LRCH1: variants seen among roughly 807,000 people sequenced by gnomAD.
LRCH1 encodes leucine-rich repeat and calponin homology domain-containing protein 1.
Under a neutral mutation model 94.9 loss-of-function variants are expected in LRCH1, and 23 were observed. The ratio of observed to expected loss-of-function variants is 0.24; its 90% CI spans 0.17 to 0.34. The LOEUF (loss-of-function observed/expected upper bound fraction) is 0.34. Among genes scored for constraint, LRCH1 ranks in the 10% least tolerant of loss-of-function variants. LRCH1 has a pLI of 1.00. For missense variants in LRCH1, 790 were observed against 945.9 expected (o/e 0.84, Z 2.16); for synonymous variants, 364 against 354.9 (o/e 1.03, Z -0.29).
intron 3 of LRCH1, among the ~76,000 whole-genome samples, chr13:46,677,384 C>T (rs1007824196): frequency 4.6e-5 from 7 of 151,992 alleles, no homozygotes; most frequent in South Asian, 2.1e-4. Context: ...GAGCCAAGAT[C>T]GCGCCATCGC....
chr13:46,687,574 T>A (rs1352305653), intron 5 of LRCH1, among the ~76,000 whole-genome samples: 2 of 152,344 alleles, frequency 1.3e-5, no homozygotes, highest in East Asian at 3.9e-4. Context: ...ATATTTTTTA[T>A]ACTATATATA....
intron 13 of LRCH1, among the ~76,000 whole-genome samples, chr13:46,709,516 G>A (rs1871945995): frequency 6.6e-6 from 1 of 152,164 alleles, no homozygotes. Flanking sequence ...AATGTACCAG[G>A]TCCAACCTTC....
chr13:46,670,516 T>A (rs1426194038), intron 3 of LRCH1, among the ~76,000 whole-genome samples: 11 of 152,224 alleles, frequency 7.2e-5, no homozygotes, highest in Non-Finnish European at 1.5e-5. Context: ...GAGAGGCAGA[T>A]CTGGTCTGAT....
intron 11 of LRCH1, among the ~76,000 whole-genome samples, chr13:46,703,140 G>A (rs1261043787): frequency 6.6e-6 from 1 of 152,216 alleles, no homozygotes; most frequent in African/African-American, 2.4e-5. Context: ...AGGAGAGCCT[G>A]TATGTGTGTT....
chr13:46,745,369 G>A (rs553279548), downstream of LRCH1, among the ~76,000 whole-genome samples: 1 of 151,972 alleles, frequency 6.6e-6, no homozygotes, highest in Non-Finnish European at 1.5e-5. Context: ...TGGTGGAACG[G>A]GTACAGGATT....
intron 1 of LRCH1, among the ~76,000 whole-genome samples, chr13:46,564,488 A>G (rs1594246642): frequency 1.3e-5 from 2 of 152,248 alleles, no homozygotes; most frequent in South Asian, 4.1e-4. Flanking sequence ...CCCTCTGGCC[A>G]TTCCGGCCAG....
At chr13:46,750,506 C>T (rs2138264423) in intron 18 of LRCH1, 1 of 1,415,400 alleles carries the variant, frequency 7.1e-7, no homozygotes, top group East Asian at 2.5e-5. Flanking sequence ...GTACAATCAT[C>T]TAAAAATTGA....
intron 4 of LRCH1, among the ~76,000 whole-genome samples, chr13:46,685,325 A>G (rs1373707485): frequency 2.0e-5 from 3 of 152,228 alleles, no homozygotes; most frequent in Non-Finnish European, 2.9e-5. Context: ...GAGTGGAGCT[A>G]CAGAAGACTT....
At chr13:46,578,240 G>A (rs952254313) in intron 1 of LRCH1, among the ~76,000 whole-genome samples, 2 of 152,212 alleles carry the variant, frequency 1.3e-5, no homozygotes, top group African/African-American at 2.4e-5. Flanking sequence ...GAAAGGATGC[G>A]TGCTTTGTGG....
At chr13:46,602,974 G>GCATGCATGCATA (rs1555272027) in intron 1 of LRCH1, among the ~76,000 whole-genome samples, 2 of 27,602 alleles carry the variant, frequency 7.2e-5, no homozygotes, top group East Asian at 2.1e-3. Flanking sequence ...ATACATACAT[G>GCATGCATGCATA]CATGCATACA....
chr13:46,733,986 AG>A lies in LRCH1; in HGVS notation c.2075del (p.Gly692GlufsTer48). 2 of 1,592,380 alleles carry A rather than the reference AG, an allele frequency of 1.3e-6. No homozygotes were observed. On this transcript the variant is annotated frameshift_variant, in exon 19 of 20. Coordinates refer to ENST00000389797, the MANE Select transcript of LRCH1 (RefSeq NM_001164211.2). LOFTEE classifies it high-confidence loss of function. ...ACTTTTTGGAAGCATGCCGAAAATTAGGAGTACCAGAGGTAACATCAAACTT... is the reference window on the plus strand; with the variant it reads ...ACTTTTTGGAAGCATGCCGAAAATTAGAGTACCAGAGGTAACATCAAACTT... ...ENFLEACRKL[G>X]VPEADLCSPC...
At position 46,701,264 on chromosome 13, in the gene LRCH1, G is replaced by A. The variant is rs144152442; in HGVS notation, c.1400+57G>A. On this transcript the variant is annotated intron_variant, in intron 11 of 19. Coordinates refer to ENST00000389797, the MANE Select transcript of LRCH1 (RefSeq NM_001164211.2). ...TGTAAATAATGCATACTAATGTATG[G>A]AGTACATTGTCTAAATTCCTAAAAT... 1,031 of 1,218,678 alleles carry A rather than the reference G, an allele frequency of 8.5e-4. 6 individuals are homozygous for A. In the African/African-American group the frequency reaches 0.011, roughly 13 times the overall value. 75.5% of individuals were successfully genotyped at this position (1,218,678 alleles called of 1,614,324 possible).
intron 13 of LRCH1, among the ~76,000 whole-genome samples, chr13:46,709,431 G>A (rs1463976727): frequency 6.6e-6 from 1 of 152,188 alleles, no homozygotes; most frequent in African/African-American, 2.4e-5. Context: ...CTCCCTGCCA[G>A]CTACTGCACC....
intron 2 of LRCH1, among the ~76,000 whole-genome samples, chr13:46,652,503 A>C (rs1266882643): frequency 1.3e-5 from 2 of 151,830 alleles, no homozygotes; most frequent in Non-Finnish European, 2.9e-5. Context: ...CTGGAGGCTC[A>C]TATATCTAAT....
chr13:46,594,938 TAAAG>T (rs781038630), intron 1 of LRCH1, among the ~76,000 whole-genome samples: 17 of 152,166 alleles, frequency 1.1e-4, no homozygotes, highest in Non-Finnish European at 2.2e-4. Context: ...ACAGGCTATA[TAAAG>T]AAAGTCTCAT....
At position 46,729,040 on chromosome 13, in the gene LRCH1, G is replaced by A. The variant is rs1287404640; in HGVS notation, c.2007+56G>A. 7.8e-6 allele frequency: 12 copies of A among 1,535,208 alleles called. No homozygotes were observed. The Admixed American group carries it at 2.2e-4, about 28-fold the overall frequency. On this transcript the variant is annotated intron_variant, in intron 18 of 19. Coordinates refer to ENST00000389797, the MANE Select transcript of LRCH1 (RefSeq NM_001164211.2). ...ATAAAACAGACCTTTAGGGGGCACT[G>A]TTGTTGGTTTAGGATGTCAATGGTG...
chr13:46,695,981 C>G (rs1196583124), intron 9 of LRCH1, among the ~76,000 whole-genome samples: 2 of 152,172 alleles, frequency 1.3e-5, no homozygotes, highest in Non-Finnish European at 2.9e-5. Flanking sequence ...GGATAAAACA[C>G]AGTCTTAACT....
Position 46,695,151 on chromosome 13 carries a change from A to G in LRCH1, c.1245+134A>G, listed in dbSNP as rs1412617239. On this transcript the variant is annotated intron_variant, in intron 9 of 19. Coordinates refer to ENST00000389797, the MANE Select transcript of LRCH1 (RefSeq NM_001164211.2). ...GCACCCTCCCTGAAGCGTTCCAAAC[A>G]TCTCAGCGCTCAGCGTGTCTATTTG... 4 of 1,040,292 alleles carry G rather than the reference A, an allele frequency of 3.8e-6. No homozygotes were observed. The Admixed American group carries it at 6.9e-5, about 18-fold the overall frequency. The allele number at this position is 1,040,292 out of a possible 1,614,324, so 64.4% of individuals were successfully genotyped here. A position where few individuals can be genotyped will look rare whatever the true frequency, so the allele number is the denominator to read the frequency against.
chr13:46,649,844 A>AT (rs2051269802), intron 1 of LRCH1, among the ~76,000 whole-genome samples: 1 of 151,850 alleles, frequency 6.6e-6, no homozygotes, highest in South Asian at 2.1e-4. Context: ...AAAAAAAAAA[A>AT]TTGAATTAAT....
Sources: allele counts gnomAD v4.1 joint callset (sites outside exome capture counted in the v4.1 genomes callset), GRCh38; gene constraint gnomAD v4.1.1; transcripts MANE v1.5; gene names NCBI Gene and HGNC (gene_info 2026-07-23, HGNC 2026-07-21).